The following SCN2A variants were observed in gnomAD, a reference collection of about 807,000 sequenced individuals.
SCN2A encodes the protein sodium channel protein type 2 subunit alpha.
SCN2A carries 20 observed loss-of-function variants against 188.7 expected under a neutral mutation model. The observed-to-expected ratio is 0.11, with a 90% CI of 0.07 to 0.15. The LOEUF is 0.15. Ranked by LOEUF, SCN2A falls within the 10% of genes least tolerant of loss-of-function variation. The pLI is 1.00. For missense variants in SCN2A, 1,278 were observed against 2,445.0 expected (o/e 0.52, Z 10.07); for synonymous variants, 804 against 833.1 (o/e 0.97, Z 0.60).
intron 14 of SCN2A, among the ~76,000 whole-genome samples, 170 bp from the exon 15 acceptor site, chr2:165,342,126 C>A (rs1469303126): frequency 6.6e-6 from 1 of 152,132 alleles, no homozygotes; most frequent in Admixed American, 6.5e-5. Context: ...ATATAGTGAA[C>A]AATTATTGAT....
intron 1 of SCN2A, among the ~76,000 whole-genome samples, chr2:165,291,675 C>A (rs1296930182): frequency 6.7e-6 from 1 of 149,568 alleles, no homozygotes; most frequent in Non-Finnish European, 1.5e-5. Context: ...GCCTCAAATG[C>A]CTGGTCTCAA....
At chr2:165,344,488 A>G in intron 15 of SCN2A, 67 bp from the exon 16 acceptor site, 1 of 987,632 alleles carries the variant, frequency 1.0e-6, no homozygotes, top group Non-Finnish European at 1.4e-6. Flanking sequence ...AAAAATAAAA[A>G]TAAAATAAAA....
chr2:165,362,141 C>T (rs1010126548), intron 17 of SCN2A, among the ~76,000 whole-genome samples: 1 of 151,938 alleles, frequency 6.6e-6, no homozygotes, highest in African/African-American at 2.4e-5. Context: ...ATGATCTTTC[C>T]TCCAAAAAAT....
intron 1 of SCN2A, chr2:165,285,585 G>T: frequency 4.3e-6 from 1 of 234,316 alleles, no homozygotes; most frequent in South Asian, 7.5e-5. Flanking sequence ...GAAGTTTTTT[G>T]ATGCAAACTG....
At chr2:165,363,459 T>C (rs1180325058) in intron 17 of SCN2A, among the ~76,000 whole-genome samples, 1 of 152,200 alleles carries the variant, frequency 6.6e-6, no homozygotes. Context: ...TGTGTTATTT[T>C]CCAACATGTT....
At chr2:165,296,354 T>G in intron 2 of SCN2A, 1 of 486,420 alleles carries the variant, frequency 2.1e-6, no homozygotes, top group Non-Finnish European at 3.7e-6. Context: ...CCTATTCACC[T>G]TCTTGAATAC....
chr2:165,331,717 A>T, intron 14 of SCN2A, 149 bp downstream of exon 14: 1 of 714,126 alleles, frequency 1.4e-6, no homozygotes, highest in East Asian at 2.7e-5. Context: ...ATAACAAAAA[A>T]ATGTTGCTAC....
intron 1 of SCN2A, among the ~76,000 whole-genome samples, chr2:165,256,311 C>A (rs908676079): frequency 3.3e-5 from 5 of 151,988 alleles, no homozygotes; most frequent in African/African-American, 1.2e-4. Flanking sequence ...GGCCTATTTT[C>A]TTTAATGTAA....
At position 165,307,937 on chromosome 2, in the gene SCN2A, A is replaced by G; in HGVS notation, c.476A>G (p.Glu159Gly). 1 of 1,588,900 alleles carries G rather than the reference A, an allele frequency of 6.3e-7. No individual in the cohort carries two copies. The highest frequency in any genetic ancestry group is 8.6e-7 in the Non-Finnish European group (1 of 1,157,330). Residue 159 changes from glutamate to glycine, a missense_variant and splice_region_variant, in exon 4 of 27, where the codon GAG (glutamate) becomes GGG (glycine). Physicochemically the swap from Glu to Gly is moderately conservative, Grantham distance 98. This residue lies in a region of SCN2A where 37 missense variants were observed against 154.9 expected (regional missense o/e 0.24). Transcript: ENST00000375437. ...SNPPDWTKNV[E>G]YTFTGIYTFE... is the part of the protein sequence containing the mutation. ...CCTCCAGACTGGACAAAGAATGTGG[A>G]GTAAGTATAAATATTTTTCAATATT... is the stretch of plus-strand genomic sequence containing the variant.
chr2:165,249,683 T>C lies in SCN2A; in HGVS notation c.-52+10043T>C, dbSNP rs905774289. Among the ~76,000 whole-genome samples, 4 of 152,024 alleles carry C rather than the reference T, an allele frequency of 2.6e-5. No homozygotes were observed. In the East Asian group the frequency reaches 5.8e-4, roughly 22 times the overall value. The stretch of plus-strand genomic sequence containing the variant: ...GTTTATATAAATCACCAAGATCTAA[T>C]GGAAGCCACCCAGTTAACTCTCCTA... On this transcript the variant is annotated intron_variant, in intron 1 of 26. Coordinates refer to ENST00000375437, the MANE Select transcript of SCN2A (RefSeq NM_001040142.2).
At chr2:165,323,976 G>A (rs927813570) in intron 12 of SCN2A, among the ~76,000 whole-genome samples, 3 of 152,276 alleles carry the variant, frequency 2.0e-5, no homozygotes, top group South Asian at 2.1e-4. Context: ...AGGTCAGAGT[G>A]TTGTAACCTT....
At position 165,389,485 on chromosome 2, in the gene SCN2A, T is replaced by C; in HGVS notation, c.5679T>C (p.Tyr1893=). ...FMASNPSKVS[Y]EPITTTLKRK... ...CATCAAACCCCTCCAAAGTCTCTTA[T>C]GAGCCCATTACGACCACGTTGAAAC... The change falls in exon 27 of 27, where the codon TAT becomes TAC. Residue 1893 remains tyrosine (Y), a synonymous_variant. Coordinates refer to ENST00000375437, the MANE Select transcript of SCN2A (RefSeq NM_001040142.2). This position sits in a 1 kb window ranked among gnomAD's most constrained non-coding sequence, Gnocchi z 4.2. The C allele has an allele frequency of 1.9e-6, 3 of 1,613,994 alleles. No homozygotes were observed. Among genetic ancestry groups the C allele is most frequent in the Non-Finnish European group, 2.5e-6 (3 of 1,179,968 alleles).
In SCN2A at chr2:165,296,920, CAGGGCAATA is replaced by C. The variant is rs1696542339; in HGVS notation, c.268-96_268-88del. Reference sequence around the variant, plus strand: ...AATTATTATGTTATACACTATTTTACAGGGCAATATTTATAAATAATGGTTTTACTTTTC... The same window carrying C: ...AATTATTATGTTATACACTATTTTACTTTATAAATAATGGTTTTACTTTTC... On this transcript the variant is annotated intron_variant, in intron 2 of 26. Coordinates refer to ENST00000375437, the MANE Select transcript of SCN2A (RefSeq NM_001040142.2). 4 of 703,424 alleles carry C rather than the reference CAGGGCAATA, an allele frequency of 5.7e-6. No homozygotes were observed. The South Asian group carries it at 6.9e-5, about 12-fold the overall frequency. 43.6% of individuals were successfully genotyped at this position (703,424 alleles called of 1,614,324 possible).
chr2:165,317,811 C>G (rs188716792), intron 11 of SCN2A, among the ~76,000 whole-genome samples: 1 of 151,744 alleles, frequency 6.6e-6, no homozygotes, highest in East Asian at 1.9e-4. Flanking sequence ...TAAGCAGTCT[C>G]TATATAAAAA....
chr2:165,387,105 T>A (rs1364202091), intron 26 of SCN2A, 89 bp downstream of exon 26: 6 of 1,317,432 alleles, frequency 4.6e-6, no homozygotes, highest in Non-Finnish European at 6.5e-6. Flanking sequence ...CTAATCTTTC[T>A]CATTCATCCC....
At chr2:165,323,803 T>C (rs1336223001) in intron 12 of SCN2A, among the ~76,000 whole-genome samples, 1 of 152,206 alleles carries the variant, frequency 6.6e-6, no homozygotes, top group African/African-American at 2.4e-5. Context: ...TTGATTAATA[T>C]AGTTAAATTA....
chr2:165,306,658 G>T (rs1324644903), intron 3 of SCN2A, among the ~76,000 whole-genome samples: 1 of 151,750 alleles, frequency 6.6e-6, no homozygotes, highest in African/African-American at 2.4e-5. Flanking sequence ...TTACAGCACA[G>T]CTACTAAAAT....
At chr2:165,259,751 C>A (rs780191016) in intron 1 of SCN2A, among the ~76,000 whole-genome samples, 1 of 152,066 alleles carries the variant, frequency 6.6e-6, no homozygotes, top group Admixed American at 6.6e-5. Context: ...TCAACCATGA[C>A]GACTGGAATC....
chr2:165,303,564 C>T (rs1696958752), intron 3 of SCN2A, among the ~76,000 whole-genome samples: 1 of 152,046 alleles, frequency 6.6e-6, no homozygotes, highest in Admixed American at 6.5e-5. Context: ...CGTGAGCCAC[C>T]GCGCCTGGCC....
Sources: gnomAD v4.1 joint callset for allele counts (sites outside exome capture counted in the v4.1 genomes callset) on GRCh38, gnomAD v4.1.1 for gene constraint, gnomAD v4.1.1 regional missense constraint, Gnocchi (gnomAD v3.1) non-coding constraint, MANE v1.5 for transcripts, NCBI Gene and HGNC (gene_info 2026-07-23, HGNC 2026-07-21) for gene names.